The following NUDT13 variants were observed in gnomAD, a reference collection of about 807,000 sequenced individuals.
NUDT13 encodes the protein NAD(P)H pyrophosphatase NUDT13, mitochondrial.
A neutral mutation model predicts 41.7 loss-of-function variants in NUDT13; 40 were observed. The ratio of observed to expected loss-of-function variants is 0.96; its 90% CI spans 0.75 to 1.25. The LOEUF (loss-of-function observed/expected upper bound fraction) is 1.25. Among genes scored for constraint, NUDT13 ranks in the 50% most tolerant of loss-of-function variants. NUDT13 has a pLI of 0.00. For synonymous variants in NUDT13, 145 were observed against 155.5 expected (o/e 0.93, Z 0.50); for missense variants, 390 against 416.1 (o/e 0.94, Z 0.55).
intron 2 of NUDT13, chr10:73,115,156 A>G (rs1842476803): frequency 6.6e-6 from 1 of 152,006 alleles, no homozygotes; most frequent in Non-Finnish European, 1.5e-5. Flanking sequence ...TATATAATAA[A>G]CCAGTAAACA....
Position 73,126,827 on chromosome 10 carries a change from A to C in NUDT13, c.858A>C (p.Glu286Asp). Reference sequence around the variant, plus strand: ...CAACTGTGAAACCAGGGCAGACAGAAGTAAGTTCTCATCTTCCCTTATACT... The same window carrying C: ...CAACTGTGAAACCAGGGCAGACAGACGTAAGTTCTCATCTTCCCTTATACT... ...CHATVKPGQT[E>D]IQVNLRELET... The change falls in exon 8 of 9, where the codon GAA (glutamate) becomes GAC (aspartate). Residue 286 changes from glutamate to aspartate, a missense_variant and splice_region_variant. Coordinates refer to ENST00000357321, the MANE Select transcript of NUDT13 (RefSeq NM_015901.6). 4.3e-6 allele frequency: 7 copies of C among 1,613,850 alleles called. No individual in the cohort carries two copies. The highest frequency in any genetic ancestry group is 5.9e-6 in the Non-Finnish European group (7 of 1,179,776).
rs776642694 is a variant in NUDT13, at chr10:73,114,378, T to C, written c.13T>C (p.Cys5Arg). The C allele has an allele frequency of 2.5e-6, 4 of 1,578,722 alleles. No homozygotes were observed. In the South Asian group the frequency reaches 3.5e-5, roughly 14 times the overall value. The change falls in exon 2 of 9, where the codon TGT (cysteine) becomes CGT (arginine). Residue 5 changes from cysteine (C) to arginine (R), a missense_variant. Transcript: ENST00000357321. MSLY[C>R]GIACRRKFFW... Reference sequence around the variant, plus strand: ...TAAGGACCTGACAATGTCCCTGTATTGTGGAATAGCTTGCAGGAGAAAATT... The same window carrying C: ...TAAGGACCTGACAATGTCCCTGTATCGTGGAATAGCTTGCAGGAGAAAATT...
Position 73,110,547 on chromosome 10 carries a change from G to T in NUDT13, c.-30G>T, listed in dbSNP as rs1216198272. ...GTGCTGATTCCTGAGGACTAGGAAG[G>T]TGCCCCGAAAAGAATTCAGAGTGAG... On this transcript the variant is annotated 5_prime_UTR_variant, in exon 1 of 9. Transcript: ENST00000357321. 2.6e-5 allele frequency: 4 copies of T among 152,196 alleles called. No homozygotes were observed. The highest frequency in any genetic ancestry group is 4.4e-5 in the Non-Finnish European group (3 of 68,040). The allele number at this position is 152,196 out of a possible 1,614,324, so 9.4% of individuals were successfully genotyped here. A position where few individuals can be genotyped will look rare whatever the true frequency, so the allele number is the denominator to read the frequency against.
rs565375871 is a variant in NUDT13 at position 73,118,913 on chromosome 10, A to C, written c.84-1105A>C. 3.1e-4 allele frequency among the ~76,000 whole-genome samples: 47 copies of C among 152,116 alleles called. 1 individual carries two copies. Among genetic ancestry groups the C allele is most frequent in the African/African-American group, 8.2e-4 (34 of 41,530 alleles). ...CCTGAACCTGGGAGGCAGAAGCTGC[A>C]GTCAGCTGAGATCGTGCCACTGCAC... is the stretch of plus-strand genomic sequence containing the variant. On this transcript the variant is annotated intron_variant, in intron 2 of 8. Coordinates refer to ENST00000357321, the MANE Select transcript of NUDT13 (RefSeq NM_015901.6).
chr10:73,123,223 C>T (rs1842690352), intron 4 of NUDT13, among the ~76,000 whole-genome samples: 2 of 152,162 alleles, frequency 1.3e-5, no homozygotes, highest in South Asian at 4.1e-4. Flanking sequence ...TTCAGTATTT[C>T]ATAAGAAATG....
In NUDT13 at chr10:73,114,415, A is replaced by G. The variant is rs760015488; in HGVS notation, c.50A>G (p.Tyr17Cys). Reference protein sequence around the residue: ...IACRRKFFWCYRLLSTYVTKT... With the variant: ...IACRRKFFWCCRLLSTYVTKT... ...TGCAGGAGAAAATTTTTTTGGTGCT[A>G]TAGGCTGCTGTCAACCTATGTTACT... is the stretch of plus-strand genomic sequence containing the variant. Residue 17 changes from tyrosine to cysteine, a missense_variant, in exon 2 of 9, where the codon TAT (tyrosine) becomes TGT (cysteine). Physicochemically the swap from Tyr to Cys is radical, Grantham distance 194. Transcript: ENST00000357321. 2 of 1,593,984 alleles carry G rather than the reference A, an allele frequency of 1.3e-6. No individual in the cohort carries two copies. Among genetic ancestry groups the G allele is most frequent in the Non-Finnish European group, 1.7e-6 (2 of 1,168,208 alleles).
At position 73,114,359 on chromosome 10, in the gene NUDT13, C is replaced by G. The variant is rs770798832; in HGVS notation, c.-7C>G. 1 of 1,477,366 alleles carries G rather than the reference C, an allele frequency of 6.8e-7. No homozygotes were observed. Among genetic ancestry groups the G allele is most frequent in the Admixed American group, 2.0e-5 (1 of 51,196 alleles). The allele number at this position is 1,477,366 out of a possible 1,614,324, so 91.5% of individuals were successfully genotyped here. A position where few individuals can be genotyped will look rare whatever the true frequency, so the allele number is the denominator to read the frequency against. On this transcript the variant is annotated splice_region_variant and 5_prime_UTR_variant, in exon 2 of 9. Transcript: ENST00000357321. The stretch of plus-strand genomic sequence containing the variant: ...AACTCCTTTTTTTTTTTTTTAAGGA[C>G]CTGACAATGTCCCTGTATTGTGGAA...
At chr10:73,126,918 C>T (rs1842801432) in intron 8 of NUDT13, 91 bp downstream of exon 8, 6 of 1,102,768 alleles carry the variant, frequency 5.4e-6, no homozygotes, top group Non-Finnish European at 8.2e-6. Context: ...TTGTCTAGTC[C>T]AGCATCATCT....
At position 73,114,252 on chromosome 10, in the gene NUDT13, TAC is replaced by T. The variant is rs1842442452; in HGVS notation, c.-9-103_-9-102del. 6.6e-6 allele frequency: 3 copies of T among 457,152 alleles called. No individual in the cohort carries two copies. In the East Asian group the frequency reaches 1.0e-4, roughly 16 times the overall value. 28.3% of individuals were successfully genotyped at this position (457,152 alleles called of 1,614,324 possible). ...TATTGAGTTTGTCTTTCCTTAATATTACAGAGTGATCCCATTCTGGCTTAAAG... is the reference window on the plus strand; with the variant it reads ...TATTGAGTTTGTCTTTCCTTAATATTAGAGTGATCCCATTCTGGCTTAAAG... On this transcript the variant is annotated intron_variant, in intron 1 of 8. Transcript: ENST00000357321.
chr10:73,115,384 T>C (rs1019771969), intron 2 of NUDT13, among the ~76,000 whole-genome samples: 1 of 152,100 alleles, frequency 6.6e-6, no homozygotes, highest in African/African-American at 2.4e-5. Context: ...TGCCATGTTG[T>C]CCATGCTGGT....
rs1842748689 is a variant in NUDT13 at position 73,125,471 on chromosome 10, A to G, written c.665A>G (p.Lys222Arg). The change falls in exon 7 of 9, where the codon AAG becomes AGG. Residue 222 changes from lysine to arginine, a missense_variant. Coordinates refer to ENST00000357321, the MANE Select transcript of NUDT13 (RefSeq NM_015901.6). ...CTTGCCCGCCAAAGCTCCTTTCCCA[A>G]GGGAATGTATTCTGCCTTGGCAGGT... ...CLLARQSSFP[K>R]GMYSALAGFC... 6.2e-7 allele frequency: 1 copy of G among 1,610,914 alleles called. No homozygotes were observed. The highest frequency in any genetic ancestry group is 2.2e-5 in the East Asian group (1 of 44,782).
At position 73,131,123 on chromosome 10, in the gene NUDT13, C is replaced by G. The variant is rs1266283056; in HGVS notation, c.*220C>G. The G allele has an allele frequency of 2.3e-6, 1 of 430,778 alleles. No individual in the cohort carries two copies. The highest frequency in any genetic ancestry group is 2.4e-5 in the South Asian group (1 of 41,498). The allele number at this position is 430,778 out of a possible 1,614,324, so 26.7% of individuals were successfully genotyped here. ...CCAGTGTGAGAAGAAAACTGATGAGCTGTCAACTGTCAAAAATCAGGGGGA... is the reference window on the plus strand; with the variant it reads ...CCAGTGTGAGAAGAAAACTGATGAGGTGTCAACTGTCAAAAATCAGGGGGA... On this transcript the variant is annotated 3_prime_UTR_variant, in exon 9 of 9. Transcript: ENST00000357321.
intron 1 of NUDT13, among the ~76,000 whole-genome samples, chr10:73,111,937 A>G (rs1166385590): frequency 6.6e-6 from 1 of 152,054 alleles, no homozygotes; most frequent in Non-Finnish European, 1.5e-5. Context: ...TTTTTTTTTC[A>G]GTACAGAAAA....
At chr10:73,122,359 G>A in intron 4 of NUDT13, 50 bp downstream of exon 4, 1 of 1,516,784 alleles carries the variant, frequency 6.6e-7, no homozygotes, top group Non-Finnish European at 8.9e-7. Context: ...TTCAGAATTT[G>A]GGATTTCACA....
intron 7 of NUDT13, 67 bp from the exon 8 acceptor site, chr10:73,126,606 C>A: frequency 6.4e-7 from 1 of 1,557,580 alleles, no homozygotes; most frequent in South Asian, 1.2e-5. Context: ...GCACCTTTCT[C>A]AAATGGGCTG....
intron 2 of NUDT13, among the ~76,000 whole-genome samples, chr10:73,116,089 C>A (rs542377200): frequency 6.6e-6 from 1 of 152,090 alleles, no homozygotes; most frequent in Non-Finnish European, 1.5e-5. Flanking sequence ...CTCACTGCAG[C>A]CTCAACCTCC....
chr10:73,126,254 C>T (rs145515430), intron 7 of NUDT13: 2 of 199,590 alleles, frequency 1.0e-5, no homozygotes, highest in East Asian at 1.1e-4. Context: ...CAAAGCTGTC[C>T]ATCTATCCAT....
Position 73,120,017 on chromosome 10 carries a change from G to C in NUDT13, c.84-1G>C, listed in dbSNP as rs1352785277. ...ATGGTTTGATTATTTCCCAAATACA[G>C]GTATTTATTTGAACTGAAGGAAGAT... On this transcript the variant is annotated splice_acceptor_variant, in intron 2 of 8. Transcript: ENST00000357321. LOFTEE classifies it high-confidence loss of function. 1.9e-6 allele frequency: 3 copies of C among 1,613,692 alleles called. No individual in the cohort carries two copies. The highest frequency in any genetic ancestry group is 1.3e-5 in the African/African-American group (1 of 74,882).
chr10:73,114,509 T>C, intron 2 of NUDT13, 61 bp downstream of exon 2: 1 of 707,584 alleles, frequency 1.4e-6, no homozygotes, highest in Non-Finnish European at 2.3e-6. Flanking sequence ...TATTGTGATA[T>C]TATGATTTTA....
Sources: gnomAD v4.1 joint callset for allele counts (sites outside exome capture counted in the v4.1 genomes callset) on GRCh38, gnomAD v4.1.1 for gene constraint, MANE v1.5 for transcripts, NCBI Gene and HGNC (gene_info 2026-07-23, HGNC 2026-07-21) for gene names.